Variants in OLFML1 observed in about 807,000 individuals in gnomAD.
OLFML1 encodes olfactomedin-like protein 1.
Under a neutral mutation model 37.3 loss-of-function variants are expected in OLFML1, and 33 were observed. The observed-to-expected ratio is 0.88, with a 90% CI of 0.67 to 1.18. The LOEUF is 1.18. Ranked by LOEUF, OLFML1 falls within the 50% of genes most tolerant of loss-of-function variation. The pLI is 0.00. For synonymous variants in OLFML1, 186 were observed against 181.3 expected (o/e 1.03, Z -0.21); for missense variants, 545 against 483.7 (o/e 1.13, Z -1.19).
At chr11:7,491,087 TTATG>T (rs757171807) in intron 2 of OLFML1, among the ~76,000 whole-genome samples, 8 of 150,762 alleles carry the variant, frequency 5.3e-5, no homozygotes, top group Non-Finnish European at 1.2e-4. Context: ...ATACATATTT[TTATG>T]TATGTGTGTA....
chr11:7,485,970 T>G lies in OLFML1; in HGVS notation c.95T>G (p.Val32Gly). The change falls in exon 1 of 3, where the codon GTG becomes GGG. Residue 32 changes from valine (V) to glycine (G), a missense_variant. Val to Gly is a moderately radical substitution (Grantham distance 109, BLOSUM62 -3). Coordinates refer to ENST00000329293, the MANE Select transcript of OLFML1 (RefSeq NM_198474.4). ...CAGTGTACCCAGGACCCAGCCATGG[T>G]GCATTACATCTACCAGCGCTTTCGA... Reference protein sequence around the residue: ...PPQCTQDPAMVHYIYQRFRVL... With the variant: ...PPQCTQDPAMGHYIYQRFRVL... The G allele has an allele frequency of 6.2e-7, 1 of 1,614,082 alleles. No individual in the cohort carries two copies. The highest frequency in any genetic ancestry group is 8.5e-7 in the Non-Finnish European group (1 of 1,179,984).
intron 2 of OLFML1, among the ~76,000 whole-genome samples, chr11:7,507,310 G>C (rs1848796702): frequency 2.6e-5 from 3 of 115,308 alleles, no homozygotes; most frequent in Non-Finnish European, 5.6e-5. Flanking sequence ...CCTGATTTTG[G>C]TCTCACTCTA....
intron 1 of OLFML1, 103 bp downstream of exon 1, chr11:7,486,107 C>A: frequency 8.9e-7 from 1 of 1,128,944 alleles, no homozygotes; most frequent in Non-Finnish European, 1.3e-6. Flanking sequence ...TCCCAGATAG[C>A]AAATGACACA....
rs1240551417 is a variant in OLFML1, at chr11:7,488,180, A to G, written c.183A>G (p.Gln61=). ...QATRAYIQEF[Q]EFSKNISVML... ...CGAGGGCATACATTCAAGAATTCCA[A>G]GAGTTCTCAAAAAATATATCTGTCA... Residue 61 remains glutamine, a synonymous_variant, in exon 2 of 3, where the codon CAA becomes CAG. Coordinates refer to ENST00000329293, the MANE Select transcript of OLFML1 (RefSeq NM_198474.4). 1 of 1,613,834 alleles carries G rather than the reference A, an allele frequency of 6.2e-7. No homozygotes were observed. The highest frequency in any genetic ancestry group is 1.1e-5 in the South Asian group (1 of 91,066).
chr11:7,500,443 A>C (rs1848706925), intron 2 of OLFML1, among the ~76,000 whole-genome samples: 1 of 151,968 alleles, frequency 6.6e-6, no homozygotes, highest in Non-Finnish European at 1.5e-5. Context: ...ACATACATAC[A>C]CGTCACCATG....
intron 2 of OLFML1, among the ~76,000 whole-genome samples, chr11:7,497,818 T>C (rs576341772): frequency 1.3e-5 from 2 of 152,300 alleles, no homozygotes; most frequent in Admixed American, 6.5e-5. Flanking sequence ...AAAACCAACA[T>C]ATAAAGCACT....
At position 7,488,249 on chromosome 11, in the gene OLFML1, A is replaced by G. The variant is rs1848550251; in HGVS notation, c.252A>G (p.Ala84=). ...CCTACACAAGTGAGTACAAGAGTGC[A>G]GTGGGTAACTTGGCACTGAGAGTTG... is the stretch of plus-strand genomic sequence containing the variant. ...CQTYTSEYKS[A]VGNLALRVER... Residue 84 remains alanine (A), a synonymous_variant, in exon 2 of 3, where the codon GCA becomes GCG. Coordinates refer to ENST00000329293, the MANE Select transcript of OLFML1 (RefSeq NM_198474.4). The G allele has an allele frequency of 6.2e-7, 1 of 1,614,116 alleles. No individual in the cohort carries two copies. Among genetic ancestry groups the G allele is most frequent in the Non-Finnish European group, 8.5e-7 (1 of 1,180,000 alleles).
chr11:7,509,099 C>G (rs747668038), intron 2 of OLFML1, among the ~76,000 whole-genome samples: 10 of 152,126 alleles, frequency 6.6e-5, no homozygotes, highest in Non-Finnish European at 1.3e-4. Flanking sequence ...ATTATAGACA[C>G]TAAGGAGAAA....
intron 2 of OLFML1, among the ~76,000 whole-genome samples, chr11:7,508,480 A>G (rs752787939): frequency 1.3e-5 from 2 of 152,190 alleles, no homozygotes; most frequent in African/African-American, 4.8e-5. Context: ...ACCAAATCAA[A>G]TACAGATTCT....
intron 2 of OLFML1, among the ~76,000 whole-genome samples, chr11:7,501,171 T>A (rs1339848027): frequency 6.6e-6 from 1 of 152,114 alleles, no homozygotes; most frequent in African/African-American, 2.4e-5. Context: ...AAGAGACAGG[T>A]TAGGCTTGGG....
At chr11:7,503,084 T>G (rs1848742588) in intron 2 of OLFML1, among the ~76,000 whole-genome samples, 1 of 152,152 alleles carries the variant, frequency 6.6e-6, no homozygotes. Flanking sequence ...TTGGACAGGT[T>G]AAGTTTGAAG....
rs201929931 is a variant in OLFML1 at position 7,509,750 on chromosome 11, C to T, written c.771C>T (p.Gly257=). 57 of 1,614,214 alleles carry T rather than the reference C, an allele frequency of 3.5e-5. No homozygotes were observed. The highest frequency in any genetic ancestry group is 4.8e-5 in the Non-Finnish European group (57 of 1,180,018). The part of the protein sequence containing the change: ...EDRMLLPGGV[G]RALVYQHSPS... ...GAATGCTGCTCCCAGGAGGGGTAGGCCGAGCATTGGTTTACCAGCACTCCC... is the reference window on the plus strand; with the variant it reads ...GAATGCTGCTCCCAGGAGGGGTAGGTCGAGCATTGGTTTACCAGCACTCCC... Residue 257 remains glycine, a synonymous_variant, in exon 3 of 3, where the codon GGC becomes GGT. Coordinates refer to ENST00000329293, the MANE Select transcript of OLFML1 (RefSeq NM_198474.4).
rs1014931578 is a variant in OLFML1, at chr11:7,509,690, C to A, written c.711C>A (p.Ile237=). 1 of 1,614,064 alleles carries A rather than the reference C, an allele frequency of 6.2e-7. No homozygotes were observed. The highest frequency in any genetic ancestry group is 1.3e-5 in the African/African-American group (1 of 74,926). ...FHNQATSNEI[I]KYNLQKRTVE... ...ACCAAGCAACTTCTAATGAGATAAT[C>A]AAATATAACCTGCAGAAGAGGACTG... The change falls in exon 3 of 3, where the codon ATC becomes ATA. Residue 237 remains isoleucine (I), a synonymous_variant. Transcript: ENST00000329293.
chr11:7,504,687 T>C (rs969038658), intron 2 of OLFML1: 1 of 152,150 alleles, frequency 6.6e-6, no homozygotes, highest in Non-Finnish European at 1.5e-5. Context: ...GAAAGTGTGA[T>C]AGTCATATGG....
Position 7,510,880 on chromosome 11 carries a change from T to C in OLFML1, c.*692T>C, listed in dbSNP as rs1337993097. ...CTTCCACTAAGCTTGGTAGATGTAATAATAAAGTGAAAATATTAACATTTG... is the reference window on the plus strand; with the variant it reads ...CTTCCACTAAGCTTGGTAGATGTAACAATAAAGTGAAAATATTAACATTTG... On this transcript the variant is annotated 3_prime_UTR_variant, in exon 3 of 3. Coordinates refer to ENST00000329293, the MANE Select transcript of OLFML1 (RefSeq NM_198474.4). The C allele has an allele frequency of 6.6e-6, 1 of 152,208 alleles. No individual in the cohort carries two copies. Among genetic ancestry groups the C allele is most frequent in the Non-Finnish European group, 1.5e-5 (1 of 68,034 alleles). The allele number at this position is 152,208 out of a possible 1,614,324, so 9.4% of individuals were successfully genotyped here.
At chr11:7,486,044 C>T in intron 1 of OLFML1, 40 bp downstream of exon 1, 1 of 1,585,452 alleles carries the variant, frequency 6.3e-7, no homozygotes, top group Admixed American at 1.8e-5. Flanking sequence ...TAACAGGCTT[C>T]CCAGAAGTAC....
At position 7,488,162 on chromosome 11, in the gene OLFML1, A is replaced by T; in HGVS notation, c.165A>T (p.Ala55=). The T allele has an allele frequency of 6.2e-7, 1 of 1,613,342 alleles. No individual in the cohort carries two copies. Among genetic ancestry groups the T allele is most frequent in the Non-Finnish European group, 8.5e-7 (1 of 1,179,474 alleles). The change falls in exon 2 of 3, where the codon GCA becomes GCT. Residue 55 remains alanine (A), a synonymous_variant. Coordinates refer to ENST00000329293, the MANE Select transcript of OLFML1 (RefSeq NM_198474.4). The stretch of plus-strand genomic sequence containing the variant: ...AAAAATGTACCCAAGCAACGAGGGC[A>T]TACATTCAAGAATTCCAAGAGTTCT... The part of the protein sequence containing the change: ...GLEKCTQATR[A]YIQEFQEFSK...
intron 2 of OLFML1, among the ~76,000 whole-genome samples, chr11:7,503,110 C>T (rs981311348): frequency 2.6e-5 from 4 of 152,096 alleles, no homozygotes; most frequent in Non-Finnish European, 4.4e-5. Context: ...CAAGTAGGGA[C>T]ATTGAGTAAG....
rs543166522 is a variant in OLFML1 at position 7,501,201 on chromosome 11, C to T, written c.419-8197C>T. The stretch of plus-strand genomic sequence containing the variant: ...CTTGGGAAACTGAAGAAAGGTCTCT[C>T]GGGCTCAGGTGGAGGGGTGGCCCTG... On this transcript the variant is annotated intron_variant, in intron 2 of 2. Transcript: ENST00000329293. 1.0e-3 allele frequency among the ~76,000 whole-genome samples: 159 copies of T among 152,296 alleles called. 1 individual carries two copies. Among genetic ancestry groups the T allele is most frequent in the African/African-American group, 3.5e-3 (145 of 41,564 alleles).
Sources: gnomAD v4.1 joint callset for allele counts (sites outside exome capture counted in the v4.1 genomes callset) on GRCh38, gnomAD v4.1.1 for gene constraint, MANE v1.5 for transcripts, NCBI Gene and HGNC (gene_info 2026-07-23, HGNC 2026-07-21) for gene names.